MAML1: variants seen among roughly 807,000 people sequenced by gnomAD.
MAML1 encodes mastermind like transcriptional coactivator 1, also known as mastermind-like protein 1.
In MAML1, 14 loss-of-function variants were observed where a neutral mutation model predicts 77.1. The ratio of observed to expected loss-of-function variants is 0.18; its 90% CI spans 0.12 to 0.28. The LOEUF (loss-of-function observed/expected upper bound fraction) is 0.28, where lower values mean the gene tolerates loss of function less well. Ranked by LOEUF, MAML1 falls within the 10% of genes least tolerant of loss-of-function variation. The pLI is 1.00. For synonymous variants in MAML1, 516 were observed against 551.9 expected (o/e 0.93, Z 0.91); for missense variants, 1,217 against 1,327.8 (o/e 0.92, Z 1.30).
chr5:179,736,590 G>A (rs138051457), intron 1 of MAML1, among the ~76,000 whole-genome samples: 2 of 152,266 alleles, frequency 1.3e-5, no homozygotes, highest in East Asian at 3.9e-4. Flanking sequence ...CGTGGTCATT[G>A]CAATTGAAGT....
At chr5:179,745,726 G>A (rs1455413232) in intron 1 of MAML1, among the ~76,000 whole-genome samples, 1 of 151,928 alleles carries the variant, frequency 6.6e-6, no homozygotes. Context: ...CAGGCGTGGT[G>A]GCGGGCGTCT....
intron 1 of MAML1, among the ~76,000 whole-genome samples, chr5:179,747,715 C>T (rs1779407254): frequency 7.3e-6 from 1 of 137,928 alleles, no homozygotes; most frequent in African/African-American, 2.7e-5. Context: ...GAGGCTGAGG[C>T]AGGAGAATGG....
Position 179,773,938 on chromosome 5 carries a change from C to A in MAML1, c.2112C>A (p.Ser704=), listed in dbSNP as rs1756065928. 1.2e-6 allele frequency: 2 copies of A among 1,614,106 alleles called. No individual in the cohort carries two copies. The highest frequency in any genetic ancestry group is 2.7e-5 in the African/African-American group (2 of 74,950). ...CCGGCATGAACACCTTGGGTCCATC[C>A]AACTCCAGCTGTCCTCGAGTGTTCC... is the stretch of plus-strand genomic sequence containing the variant. The part of the protein sequence containing the change: ...AVPGMNTLGP[S]NSSCPRVFPQ... Residue 704 remains serine, a synonymous_variant, in exon 5 of 5, where the codon TCC becomes TCA. Transcript: ENST00000292599.
chr5:179,764,704 G>A (rs183795032), intron 1 of MAML1, among the ~76,000 whole-genome samples: 59 of 151,998 alleles, frequency 3.9e-4, no homozygotes, highest in Admixed American at 1.2e-3. Flanking sequence ...GCTCATGCCT[G>A]TAATCCCAGC....
Position 179,774,807 on chromosome 5 carries a change from A to G in MAML1, c.2981A>G (p.Asp994Gly). The G allele has an allele frequency of 6.2e-7, 1 of 1,613,878 alleles. No individual in the cohort carries two copies. The highest frequency in any genetic ancestry group is 8.5e-7 in the Non-Finnish European group (1 of 1,179,974). ...GTGGCTGGACACACCGATCTGATCGACTCCCTGCTGAAGAACAGGACTTCA... is the reference window on the plus strand; with the variant it reads ...GTGGCTGGACACACCGATCTGATCGGCTCCCTGCTGAAGAACAGGACTTCA... ...SSVAGHTDLI[D>G]SLLKNRTSEE... The change falls in exon 5 of 5, where the codon GAC (aspartate) becomes GGC (glycine). Residue 994 changes from aspartate (D) to glycine (G), a missense_variant. Transcript: ENST00000292599.
chr5:179,744,349 C>CTTAA (rs1268019249), intron 1 of MAML1, among the ~76,000 whole-genome samples: 1 of 151,806 alleles, frequency 6.6e-6, no homozygotes, highest in African/African-American at 2.4e-5. Flanking sequence ...CCACGCCTGT[C>CTTAA]TTAATTTTTG....
At chr5:179,742,252 G>A (rs1051988863) in intron 1 of MAML1, among the ~76,000 whole-genome samples, 1 of 151,574 alleles carries the variant, frequency 6.6e-6, no homozygotes, top group African/African-American at 2.4e-5. Context: ...ACTTTGGGAG[G>A]CCAAGGCGGG....
In MAML1 at chr5:179,773,891, G is replaced by T. The variant is rs753436276; in HGVS notation, c.2069-4G>T. On this transcript the variant is annotated splice_region_variant and splice_polypyrimidine_tract_variant and intron_variant, in intron 4 of 4. Coordinates refer to ENST00000292599, the MANE Select transcript of MAML1 (RefSeq NM_014757.5). ...TGACTGCCAGACTCTTCTCTGTCTT[G>T]TAGGGTCCTCTGCTGCCGTGCCCGG... 6.2e-7 allele frequency: 1 copy of T among 1,610,970 alleles called. No individual in the cohort carries two copies. The highest frequency in any genetic ancestry group is 8.5e-7 in the Non-Finnish European group (1 of 1,177,770).
At chr5:179,738,578 T>C (rs1464496981) in intron 1 of MAML1, among the ~76,000 whole-genome samples, 1 of 152,148 alleles carries the variant, frequency 6.6e-6, no homozygotes, top group Non-Finnish European at 1.5e-5. Context: ...AGCTTGAAAT[T>C]ATGAACAAAT....
rs781065993 is a variant in MAML1 at position 179,774,134 on chromosome 5, C to T, written c.2308C>T (p.Pro770Ser). 7 of 1,613,406 alleles carry T rather than the reference C, an allele frequency of 4.3e-6. No individual in the cohort carries two copies. The highest frequency in any genetic ancestry group is 1.3e-5 in the African/African-American group (1 of 74,940). ...TGGCATAACCCAGATAGTTGCCCAG[C>T]CCCCGCCACAGGCCACCAATGGACA... ...ASGITQIVAQ[P>S]PPQATNGHAH... is the part of the protein sequence containing the mutation. Residue 770 changes from proline to serine, a missense_variant, in exon 5 of 5, where the codon CCC (proline) becomes TCC (serine). Pro to Ser is a moderately conservative substitution (Grantham distance 74). Coordinates refer to ENST00000292599, the MANE Select transcript of MAML1 (RefSeq NM_014757.5).
Position 179,733,132 on chromosome 5 carries a change from C to T in MAML1, c.20C>T (p.Pro7Leu). 6.9e-7 allele frequency: 1 copy of T among 1,442,568 alleles called. No homozygotes were observed. The highest frequency in any genetic ancestry group is 1.3e-5 in the South Asian group (1 of 76,426). The allele number at this position is 1,442,568 out of a possible 1,614,324, so 89.4% of individuals were successfully genotyped here. A position where few individuals can be genotyped will look rare whatever the true frequency, so the allele number is the denominator to read the frequency against. Residue 7 changes from proline to leucine, a missense_variant, in exon 1 of 5, where the codon CCC (proline) becomes CTC (leucine). Pro to Leu is a moderately conservative substitution (Grantham distance 98, BLOSUM62 -3). Around this residue, in one of 3 missense-constraint regions of MAML1, gnomAD observed 312 missense variants for 331.4 expected, o/e 0.94. Coordinates refer to ENST00000292599, the MANE Select transcript of MAML1 (RefSeq NM_014757.5). MVLPTC[P>L]MAEFALPRHS... ...CGGCCCATGGTGCTGCCCACCTGCC[C>T]CATGGCGGAGTTCGCGCTGCCGCGG...
intron 1 of MAML1, among the ~76,000 whole-genome samples, chr5:179,762,797 T>C (rs1779746479): frequency 6.6e-6 from 1 of 152,210 alleles, no homozygotes; most frequent in Non-Finnish European, 1.5e-5. Context: ...TGCTCAGGGC[T>C]TAAAAATCTG....
At chr5:179,748,881 G>T (rs933752588) in intron 1 of MAML1, among the ~76,000 whole-genome samples, 1 of 151,962 alleles carries the variant, frequency 6.6e-6, no homozygotes, top group Non-Finnish European at 1.5e-5. Context: ...GAAGGAAAGT[G>T]ATTACTAACC....
chr5:179,753,566 A>G lies in MAML1; in HGVS notation c.316-11760A>G, dbSNP rs150555474. On this transcript the variant is annotated intron_variant, in intron 1 of 4. Coordinates refer to ENST00000292599, the MANE Select transcript of MAML1 (RefSeq NM_014757.5). ...ACCGAGTGATTGATGCCTCGAAGAA[A>G]GCGAATGGCAAAGGATTAAGACAGT... Among the ~76,000 whole-genome samples the G allele has an allele frequency of 6.2e-3, 939 of 152,068 alleles. 11 individuals are homozygous for G. Among genetic ancestry groups the G allele is most frequent in the African/African-American group, 0.021 (872 of 41,470 alleles).
intron 1 of MAML1, among the ~76,000 whole-genome samples, chr5:179,753,248 TGAA>T (rs1195473637): frequency 6.6e-6 from 1 of 150,994 alleles, no homozygotes; most frequent in African/African-American, 2.4e-5. Context: ...CGTGCTGGGG[TGAA>T]GGAGTCCTGA....
At position 179,777,051 on chromosome 5, in the gene MAML1, A is replaced by C; in HGVS notation, c.*2174A>C. 1 of 983,240 alleles carries C rather than the reference A, an allele frequency of 1.0e-6. No individual in the cohort carries two copies. 60.9% of individuals were successfully genotyped at this position (983,240 alleles called of 1,614,324 possible). A position where few individuals can be genotyped will look rare whatever the true frequency, so the allele number is the denominator to read the frequency against. ...TAGAGCTTCCAACTGTATATTTTTT[A>C]CTTTTATAGATTTTAAAACTATGAT... On this transcript the variant is annotated 3_prime_UTR_variant, in exon 5 of 5. Transcript: ENST00000292599.
At chr5:179,750,746 C>T (rs1012269873) in intron 1 of MAML1, among the ~76,000 whole-genome samples, 8 of 151,802 alleles carry the variant, frequency 5.3e-5, no homozygotes, top group Admixed American at 1.3e-4. Flanking sequence ...ACAGGCCTGA[C>T]GGCTCTCAGT....
At chr5:179,751,872 T>C (rs1478583891) in intron 1 of MAML1, among the ~76,000 whole-genome samples, 2 of 151,356 alleles carry the variant, frequency 1.3e-5, no homozygotes, top group Non-Finnish European at 2.9e-5. Flanking sequence ...GGCTTGGTGG[T>C]GTACACCTGT....
At position 179,775,439 on chromosome 5, in the gene MAML1, G is replaced by A. The variant is rs1756116558; in HGVS notation, c.*562G>A. 6.1e-6 allele frequency: 6 copies of A among 985,224 alleles called. No homozygotes were observed. Among genetic ancestry groups the A allele is most frequent in the Non-Finnish European group, 7.2e-6 (6 of 829,856 alleles). The allele number at this position is 985,224 out of a possible 1,614,324, so 61.0% of individuals were successfully genotyped here. A position where few individuals can be genotyped will look rare whatever the true frequency, so the allele number is the denominator to read the frequency against. On this transcript the variant is annotated 3_prime_UTR_variant, in exon 5 of 5. Transcript: ENST00000292599. ...TTCCTTTTGATTAAGAGCCTTTTTT[G>A]TTTCTGCTCTTTGTCAGCTTTCAGG...
Sources: allele counts gnomAD v4.1 joint callset (sites outside exome capture counted in the v4.1 genomes callset), GRCh38; gene constraint gnomAD v4.1.1; regional missense constraint gnomAD v4.1.1; transcripts MANE v1.5; gene names NCBI Gene and HGNC (gene_info 2026-07-23, HGNC 2026-07-21).